Variants in PUM1 observed in about 807,000 individuals in gnomAD.
PUM1 encodes the protein pumilio homolog 1.
Under a neutral mutation model 131.8 loss-of-function variants are expected in PUM1, and 13 were observed. That is an observed-to-expected ratio of 0.10 (90% CI 0.06 to 0.16). PUM1 has a LOEUF of 0.16. Ranked by LOEUF, PUM1 falls within the 10% of genes least tolerant of loss-of-function variation. The pLI is 1.00. For missense variants in PUM1, 961 were observed against 1,512.4 expected, an observed-to-expected ratio of 0.64 and a Z score of 6.05; for synonymous variants, 509 against 556.5, an observed-to-expected ratio of 0.91 and a Z score of 1.20.
At chr1:31,049,967 C>T (rs1037661366) in intron 2 of PUM1, among the ~76,000 whole-genome samples, 1 of 151,250 alleles carries the variant, frequency 6.6e-6, no homozygotes, top group Admixed American at 6.6e-5. Context: ...GTAGCTGGGA[C>T]CACAGGCACC....
intron 10 of PUM1, chr1:30,973,203 CGG>C (rs1204353642): frequency 1.4e-5 from 2 of 144,748 alleles, no homozygotes; most frequent in African/African-American, 5.2e-5. Flanking sequence ...GTCCAAATAA[CGG>C]GGGGAATTTC....
At chr1:31,062,282 C>G (rs894725916) in intron 1 of PUM1, among the ~76,000 whole-genome samples, 18 of 152,172 alleles carry the variant, frequency 1.2e-4, no homozygotes, top group African/African-American at 4.1e-4. Flanking sequence ...AAAACTGCAT[C>G]TGTACTTAAG....
intron 1 of PUM1, among the ~76,000 whole-genome samples, chr1:31,063,722 GAAAGA>G (rs1280512212): frequency 2.0e-5 from 3 of 152,284 alleles, no homozygotes; most frequent in South Asian, 2.1e-4. Context: ...AGGAATGGGG[GAAAGA>G]AAAGACTCCT....
Position 31,059,228 on chromosome 1 carries a change from C to T in PUM1, c.339G>A (p.Gly113=). The change falls in exon 2 of 22, where the codon GGG becomes GGA. Residue 113 remains glycine, a synonymous_variant. Transcript: ENST00000426105. ...CCTGATGTTCTGCATGAATGTTATC[C>T]CCAGTAGGCCATCGATGTTTGCTAT... ...YNNSKHRWPT[G]DNIHAEHQVR... The T allele has an allele frequency of 6.3e-7, 1 of 1,597,868 alleles. No homozygotes were observed. The highest frequency in any genetic ancestry group is 8.5e-7 in the Non-Finnish European group (1 of 1,172,130).
At chr1:31,059,088 T>G in intron 2 of PUM1, 116 bp downstream of exon 2, 1 of 1,209,948 alleles carries the variant, frequency 8.3e-7, no homozygotes, top group South Asian at 1.5e-5. Flanking sequence ...AGTAACTGTT[T>G]GTACCAAATG....
chr1:30,955,876 T>C (rs74065542), intron 14 of PUM1, among the ~76,000 whole-genome samples: 3 of 152,236 alleles, frequency 2.0e-5, no homozygotes, highest in South Asian at 4.1e-4. Context: ...AATATTTACT[T>C]AGTATTTGTC....
intron 5 of PUM1, among the ~76,000 whole-genome samples, chr1:30,996,892 C>T (rs866209476): frequency 3.3e-5 from 5 of 152,170 alleles, no homozygotes; most frequent in Admixed American, 2.0e-4. Flanking sequence ...GCACTGACTG[C>T]AGTGCCTGAT....
intron 3 of PUM1, among the ~76,000 whole-genome samples, chr1:31,024,256 A>G (rs1023617946): frequency 6.6e-5 from 10 of 152,118 alleles, no homozygotes; most frequent in Non-Finnish European, 4.4e-5. Flanking sequence ...TATCCCACCA[A>G]ATTTTGCCTT....
intron 5 of PUM1, 28 bp downstream of exon 5, chr1:31,005,823 GAT>G: frequency 7.3e-7 from 1 of 1,378,252 alleles, no homozygotes; most frequent in Non-Finnish European, 9.8e-7. Context: ...GAGAGAGAGA[GAT>G]AGGAACAAGT....
chr1:31,019,927 CA>C (rs1642961030), intron 3 of PUM1, among the ~76,000 whole-genome samples: 1 of 150,730 alleles, frequency 6.6e-6, no homozygotes, highest in South Asian at 2.1e-4. Context: ...TTTTTAGATT[CA>C]GAGAGCAAAT....
intron 14 of PUM1, among the ~76,000 whole-genome samples, chr1:30,954,186 A>G (rs1170042713): frequency 6.6e-6 from 1 of 152,192 alleles, no homozygotes; most frequent in African/African-American, 2.4e-5. Flanking sequence ...AAAGATTGAG[A>G]AGGGAATGCT....
intron 14 of PUM1, among the ~76,000 whole-genome samples, chr1:30,959,810 G>A (rs538169530): frequency 6.6e-4 from 100 of 151,928 alleles, no homozygotes; most frequent in Non-Finnish European, 1.2e-3. Flanking sequence ...GGGAAGCTGA[G>A]GCAGGAGAAT....
At chr1:30,957,087 TACACACACACAC>T (rs58044891) in intron 14 of PUM1, among the ~76,000 whole-genome samples, 11 of 139,972 alleles carry the variant, frequency 7.9e-5, no homozygotes, top group Admixed American at 4.3e-4. Context: ...AGGACATTCA[TACACACACACAC>T]ACACACACAC....
In PUM1 at chr1:30,936,849, A is replaced by T; in HGVS notation, c.3243-14T>A. The T allele has an allele frequency of 6.3e-7, 1 of 1,588,430 alleles. No individual in the cohort carries two copies. The highest frequency in any genetic ancestry group is 8.6e-7 in the Non-Finnish European group (1 of 1,161,164). On this transcript the variant is annotated splice_polypyrimidine_tract_variant and intron_variant, in intron 20 of 21. Coordinates refer to ENST00000426105, the MANE Select transcript of PUM1 (RefSeq NM_001020658.2). ...TCCACAACATTGCTGTAATGAGATA[A>T]AACCAGGGACAACTCTTACAAGAGA...
chr1:31,043,947 C>G (rs1251073772), intron 2 of PUM1, among the ~76,000 whole-genome samples: 1 of 152,012 alleles, frequency 6.6e-6, no homozygotes, highest in Non-Finnish European at 1.5e-5. Context: ...TTTATATACT[C>G]TCAAACCTGA....
chr1:30,942,482 TAAC>T (rs1454280362), intron 18 of PUM1, among the ~76,000 whole-genome samples: 1 of 151,744 alleles, frequency 6.6e-6, no homozygotes, highest in Non-Finnish European at 1.5e-5. Flanking sequence ...AAGACAGCGC[TAAC>T]AACAGAAAAG....
At chr1:31,010,339 T>C (rs1642565423) in intron 3 of PUM1, among the ~76,000 whole-genome samples, 1 of 152,184 alleles carries the variant, frequency 6.6e-6, no homozygotes, top group Admixed American at 6.5e-5. Flanking sequence ...TTCCCCTGAC[T>C]GTGGGCTAGA....
chr1:30,985,477 A>C (rs1453850710), intron 7 of PUM1, among the ~76,000 whole-genome samples: 1 of 151,950 alleles, frequency 6.6e-6, no homozygotes, highest in Non-Finnish European at 1.5e-5. Context: ...ATATGGAGAA[A>C]CCCCATCTCT....
chr1:31,045,561 C>T (rs1242805121), intron 2 of PUM1, among the ~76,000 whole-genome samples: 6 of 151,986 alleles, frequency 3.9e-5, no homozygotes, highest in Admixed American at 2.6e-4. Flanking sequence ...CAAGCCTGGG[C>T]AACATGAGAC....
Sources: allele counts gnomAD v4.1 joint callset (sites outside exome capture counted in the v4.1 genomes callset), GRCh38; gene constraint gnomAD v4.1.1; transcripts MANE v1.5; gene names NCBI Gene and HGNC (gene_info 2026-07-23, HGNC 2026-07-21).